Variants in ZFR observed in about 807,000 individuals in gnomAD.
ZFR encodes the protein zinc finger RNA binding protein, also known as zinc finger RNA-binding protein.
Under a neutral mutation model 130.7 loss-of-function variants are expected in ZFR, and 19 were observed. The observed-to-expected ratio is 0.15, with a 90% CI of 0.10 to 0.21. ZFR has a LOEUF of 0.21. Among genes scored for constraint, ZFR ranks in the 10% least tolerant of loss-of-function variants. The pLI is 1.00. For missense variants in ZFR, 872 were observed against 1,321.5 expected (o/e 0.66, Z 5.27); for synonymous variants, 466 against 456.9 (o/e 1.02, Z -0.25).
intron 4 of ZFR, among the ~76,000 whole-genome samples, chr5:32,415,972 T>TG (rs1561909072): frequency 1.2e-5 from 1 of 85,958 alleles, no homozygotes; most frequent in African/African-American, 5.4e-5. Context: ...AACTTTTATC[T>TG]TTTTTTTTTT....
At chr5:32,357,595 T>C (rs1419487889) in intron 19 of ZFR, among the ~76,000 whole-genome samples, 1 of 152,126 alleles carries the variant, frequency 6.6e-6, no homozygotes. Flanking sequence ...ATCAGTGAGG[T>C]GCAGCATATT....
chr5:32,395,188 T>C lies in ZFR; in HGVS notation c.1950A>G (p.Glu650=). ...TTTCCATTCTCCAACGCTCCTCTTC[T>C]TCTCGTCTTCGCCAGTACTCCTCCT... is the stretch of plus-strand genomic sequence containing the variant. ...MQKEEYWRRR[E]EEERWRMEMR... The change falls in exon 11 of 20, where the codon GAA becomes GAG. Residue 650 remains glutamate, a synonymous_variant. Coordinates refer to ENST00000265069, the MANE Select transcript of ZFR (RefSeq NM_016107.5). The C allele has an allele frequency of 6.2e-7, 1 of 1,606,204 alleles. No homozygotes were observed. The highest frequency in any genetic ancestry group is 8.5e-7 in the Non-Finnish European group (1 of 1,176,536).
At chr5:32,444,455 G>A (rs1754557759) in intron 1 of ZFR, 127 bp from the exon 2 acceptor site, 2 of 1,285,102 alleles carry the variant, frequency 1.6e-6, no homozygotes, top group East Asian at 6.2e-5. Context: ...GGCCCAGGCC[G>A]CGGCCGCGCC....
intron 11 of ZFR, among the ~76,000 whole-genome samples, chr5:32,393,342 T>A (rs1372851257): frequency 1.3e-5 from 2 of 152,068 alleles, no homozygotes; most frequent in Admixed American, 6.6e-5. Flanking sequence ...TTCTTAGTTT[T>A]AAATTTTTTT....
rs751164154 is a variant in ZFR at position 32,390,421 on chromosome 5, T to G, written c.1996A>C (p.Met666Leu). Residue 666 changes from methionine to leucine, a missense_variant, in exon 12 of 20, where the codon ATG becomes CTG. Around this residue, in one of 7 missense-constraint regions of ZFR, gnomAD observed 225 missense variants for 282.4 expected, o/e 0.80. Coordinates refer to ENST00000265069, the MANE Select transcript of ZFR (RefSeq NM_016107.5). ...RMEMRRYEED[M>L]YWRRMEEEQH... ...TCTTCCTCCATTCTCCTCCAGTACA[T>G]GTCCTCTTCATAACGTCTGAAACAT... 4.3e-6 allele frequency: 7 copies of G among 1,613,980 alleles called. No individual in the cohort carries two copies. The East Asian group carries it at 1.3e-4, about 31-fold the overall frequency.
At chr5:32,357,231 C>T (rs919223381) in intron 19 of ZFR, among the ~76,000 whole-genome samples, 2 of 151,984 alleles carry the variant, frequency 1.3e-5, no homozygotes, top group African/African-American at 4.8e-5. Flanking sequence ...GCTAGGATTA[C>T]AGGCTTGAGC....
At chr5:32,395,414 A>G (rs1753280868) in intron 10 of ZFR, 110 bp from the exon 11 acceptor site, 1 of 810,424 alleles carries the variant, frequency 1.2e-6, no homozygotes, top group African/African-American at 1.8e-5. Context: ...TTTAGTTGCA[A>G]GTTTCCCACT....
At chr5:32,372,929 T>C (rs1185833453) in intron 17 of ZFR, among the ~76,000 whole-genome samples, 1 of 152,194 alleles carries the variant, frequency 6.6e-6, no homozygotes, top group Non-Finnish European at 1.5e-5. Context: ...GCAGATCTCT[T>C]CTTTTAAATA....
In ZFR at chr5:32,359,930, C is replaced by T. The variant is rs1346024312; in HGVS notation, c.3046-3991G>A. Among the ~76,000 whole-genome samples the T allele has an allele frequency of 1.4e-4, 20 of 146,266 alleles. No individual in the cohort carries two copies. The Admixed American group carries it at 1.4e-3, about 10-fold the overall frequency. On this transcript the variant is annotated intron_variant, in intron 19 of 19. Transcript: ENST00000265069. Reference sequence around the variant, plus strand: ...TTGCACTCCAGCCTGGGTGACAGAGCGAGACTCCGTCTTAAGGAAAAAAAA... The same window carrying T: ...TTGCACTCCAGCCTGGGTGACAGAGTGAGACTCCGTCTTAAGGAAAAAAAA...
chr5:32,374,887 A>C (rs957851971), intron 17 of ZFR, among the ~76,000 whole-genome samples: 1 of 152,194 alleles, frequency 6.6e-6, no homozygotes, highest in Admixed American at 6.5e-5. Flanking sequence ...ATGTCACATA[A>C]ATTTTTATAA....
At chr5:32,408,609 T>C (rs1382473749) in intron 5 of ZFR, among the ~76,000 whole-genome samples, 3 of 152,236 alleles carry the variant, frequency 2.0e-5, no homozygotes, top group African/African-American at 7.2e-5. Context: ...TACATGTTTT[T>C]GCCTGTAAGC....
rs1366675793 is a variant in ZFR, at chr5:32,388,451, ATAAC to A, written c.2348+14_2348+17del. ...GAAAAACCAAAATTACACATGGTAA[ATAAC>A]TTTCAAAACACACCTGTCTTTACCT... On this transcript the variant is annotated intron_variant, in intron 13 of 19. Coordinates refer to ENST00000265069, the MANE Select transcript of ZFR (RefSeq NM_016107.5). The A allele has an allele frequency of 1.9e-6, 3 of 1,610,380 alleles. No individual in the cohort carries two copies. The highest frequency in any genetic ancestry group is 2.7e-5 in the African/African-American group (2 of 74,906).
chr5:32,430,416 CAGAG>C (rs71598941), intron 2 of ZFR, among the ~76,000 whole-genome samples: 10 of 151,408 alleles, frequency 6.6e-5, no homozygotes, highest in Admixed American at 2.6e-4. Flanking sequence ...CCAGAATGCA[CAGAG>C]AGAGAGGAAG....
chr5:32,391,049 G>T (rs977459955), intron 11 of ZFR, among the ~76,000 whole-genome samples: 1 of 152,128 alleles, frequency 6.6e-6, no homozygotes, highest in Admixed American at 6.6e-5. Flanking sequence ...GTTACCTATG[G>T]TCAACCACAG....
intron 17 of ZFR, among the ~76,000 whole-genome samples, chr5:32,375,636 A>G (rs1752787192): frequency 6.6e-6 from 1 of 151,944 alleles, no homozygotes; most frequent in Middle Eastern, 3.2e-3. Context: ...TCTCTCCAGT[A>G]GCTGAAACCA....
chr5:32,384,142 T>C, intron 15 of ZFR, among the ~76,000 whole-genome samples: 1 of 152,212 alleles, frequency 6.6e-6, no homozygotes, highest in Non-Finnish European at 1.5e-5. Context: ...AAATGTATTC[T>C]GAAATAAAGT....
In ZFR at chr5:32,354,644, T is replaced by C. The variant is rs1752267624; in HGVS notation, c.*1116A>G. 1 of 152,666 alleles carries C rather than the reference T, an allele frequency of 6.6e-6. No individual in the cohort carries two copies. The highest frequency in any genetic ancestry group is 2.1e-4 in the South Asian group (1 of 4,836). The allele number at this position is 152,666 out of a possible 1,614,324, so 9.5% of individuals were successfully genotyped here. A position where few individuals can be genotyped will look rare whatever the true frequency, so the allele number is the denominator to read the frequency against. ...CTGTTTTTTTCCTTAGATAATTTTTTATCAGTAATACTTTATCAACCTCAC... is the reference window on the plus strand; with the variant it reads ...CTGTTTTTTTCCTTAGATAATTTTTCATCAGTAATACTTTATCAACCTCAC... On this transcript the variant is annotated 3_prime_UTR_variant, in exon 20 of 20. Transcript: ENST00000265069.
rs199835970 is a variant in ZFR, at chr5:32,400,654, G to GA, written c.1517-452dup. On this transcript the variant is annotated intron_variant, in intron 8 of 19. Coordinates refer to ENST00000265069, the MANE Select transcript of ZFR (RefSeq NM_016107.5). Reference sequence around the variant, plus strand: ...ACTTGAGCCCAGGAGTTTGAGCCTAGAAGTTTGAGACCAGCCGGGGGAACA... The same window carrying GA: ...ACTTGAGCCCAGGAGTTTGAGCCTAGAAAGTTTGAGACCAGCCGGGGGAACA... Among the ~76,000 whole-genome samples, 7 of 152,288 alleles carry GA rather than the reference G, an allele frequency of 4.6e-5. No homozygotes were observed. The East Asian group carries it at 9.6e-4, about 21-fold the overall frequency.
intron 2 of ZFR, among the ~76,000 whole-genome samples, chr5:32,435,833 T>C (rs1339928015): frequency 6.6e-6 from 1 of 152,338 alleles, no homozygotes; most frequent in South Asian, 2.1e-4. Flanking sequence ...TTTAAGCCCA[T>C]GTGACCTCTG....
Sources: gnomAD v4.1 joint callset for allele counts (sites outside exome capture counted in the v4.1 genomes callset) on GRCh38, gnomAD v4.1.1 for gene constraint, gnomAD v4.1.1 regional missense constraint, MANE v1.5 for transcripts, NCBI Gene and HGNC (gene_info 2026-07-23, HGNC 2026-07-21) for gene names.